Variants in ELAVL2 observed in about 807,000 individuals in gnomAD.
ELAVL2 encodes the protein ELAV-like protein 2.
A neutral mutation model predicts 34.6 loss-of-function variants in ELAVL2; 4 were observed. That is an observed-to-expected ratio of 0.12 (90% CI 0.06 to 0.26). The LOEUF is 0.26. ELAVL2 is among the 10% of genes least tolerant of loss of function. The pLI, the probability that ELAVL2 is intolerant of heterozygous loss-of-function variation, is 1.00. For missense variants in ELAVL2, 432 were observed against 442.8 expected (o/e 0.98, Z 0.22); for synonymous variants, 193 against 154.8 (o/e 1.25, Z -1.83).
Position 23,717,426 on chromosome 9 carries a change from C to A in ELAVL2, c.334-12355G>T, listed in dbSNP as rs1041915697. 2.6e-5 allele frequency among the ~76,000 whole-genome samples: 4 copies of A among 152,118 alleles called. No individual in the cohort carries two copies. In the South Asian group the frequency reaches 6.2e-4, roughly 24 times the overall value. On this transcript the variant is annotated intron_variant, in intron 3 of 6. Coordinates refer to ENST00000397312, the MANE Select transcript of ELAVL2 (RefSeq NM_004432.5). ...ACTAAAGGGGGATAAATGTAAAGTA[C>A]AGGGCTAGGTTTAATCAAATTTTCC...
chr9:23,769,017 GGTC>G lies in ELAVL2; in HGVS notation c.-15-6771_-15-6769del, dbSNP rs546560980. On this transcript the variant is annotated intron_variant, in intron 1 of 6. Transcript: ENST00000397312. ...GGTCCAGCCTAAACAGAGTGAACTTGGTCTCTACACTTATTTGCAACTAGAAGC... is the reference window on the plus strand; with the variant it reads ...GGTCCAGCCTAAACAGAGTGAACTTGTCTACACTTATTTGCAACTAGAAGC... Among the ~76,000 whole-genome samples, 913 of 152,026 alleles carry G rather than the reference GGTC, an allele frequency of 6.0e-3. 5 individuals carry two copies. The highest frequency in any genetic ancestry group is 0.021 in the African/African-American group (884 of 41,380).
intron 2 of ELAVL2, among the ~76,000 whole-genome samples, chr9:23,743,081 T>C (rs139119179): frequency 2.6e-5 from 4 of 152,270 alleles, no homozygotes; most frequent in Admixed American, 6.5e-5. Flanking sequence ...CCAGAGGAAA[T>C]TGAGCTGTAC....
rs894267571 is a variant in ELAVL2, at chr9:23,705,493, A to G, written c.334-422T>C. Among the ~76,000 whole-genome samples, 17 of 152,338 alleles carry G rather than the reference A, an allele frequency of 1.1e-4. 1 individual carries two copies. Among genetic ancestry groups the G allele is most frequent in the African/African-American group, 4.1e-4 (17 of 41,566 alleles). On this transcript the variant is annotated intron_variant, in intron 3 of 6. Transcript: ENST00000397312. ...CTAAAATTTAAAGTTCTTAAAACAG[A>G]CCAGTGGTGCATACAGCACAGTACT...
Position 23,722,309 on chromosome 9 carries a change from T to C in ELAVL2, c.333+8713A>G, listed in dbSNP as rs1195391504. On this transcript the variant is annotated intron_variant, in intron 3 of 6. Transcript: ENST00000397312. ...CATTGTCGAAGAATGCGTAGCTGCC[T>C]AAAAAATAATTTCAGGAAGTTACTA... Among the ~76,000 whole-genome samples the C allele has an allele frequency of 2.6e-5, 4 of 152,322 alleles. No homozygotes were observed. In the East Asian group the frequency reaches 7.7e-4, roughly 29 times the overall value.
At chr9:23,826,459 G>A (rs949712145), upstream of ELAVL2, 3 of 152,394 alleles carry the variant, frequency 2.0e-5, no homozygotes, top group African/African-American at 7.2e-5. Context: ...GGGGCCGCGT[G>A]AGACGATTGG....
chr9:23,816,317 TAAAAAAA>T (rs10717104), intron 1 of ELAVL2, among the ~76,000 whole-genome samples: 11 of 44,694 alleles, frequency 2.5e-4, no homozygotes, highest in East Asian at 8.5e-4. Context: ...AAGCTTTCAG[TAAAAAAA>T]AAAAAAAAAA....
chr9:23,816,947 T>C (rs1296763913), intron 1 of ELAVL2, among the ~76,000 whole-genome samples: 1 of 152,128 alleles, frequency 6.6e-6, no homozygotes, highest in Non-Finnish European at 1.5e-5. Context: ...AGCATCTGTA[T>C]TAGATTGGCC....
chr9:23,764,121 G>C (rs2055686671), intron 1 of ELAVL2, among the ~76,000 whole-genome samples: 1 of 152,048 alleles, frequency 6.6e-6, no homozygotes, highest in South Asian at 2.1e-4. Flanking sequence ...AATTCTTCTG[G>C]GGTTAACCCT....
At chr9:23,739,975 T>A (rs1242073420) in intron 2 of ELAVL2, among the ~76,000 whole-genome samples, 1 of 152,120 alleles carries the variant, frequency 6.6e-6, no homozygotes, top group Admixed American at 6.6e-5. Flanking sequence ...CCCCATTTTG[T>A]CAAGAACGGG....
chr9:23,771,179 T>C (rs994679192), intron 1 of ELAVL2, among the ~76,000 whole-genome samples: 2 of 152,110 alleles, frequency 1.3e-5, no homozygotes, highest in Admixed American at 1.3e-4. Flanking sequence ...CAGGGTGAAG[T>C]TGGGGAGAAG....
At chr9:23,714,041 G>A (rs191709012) in intron 3 of ELAVL2, among the ~76,000 whole-genome samples, 4 of 152,296 alleles carry the variant, frequency 2.6e-5, no homozygotes, top group African/African-American at 9.6e-5. Context: ...GCAAAGAGCA[G>A]AGGAACCATA....
chr9:23,697,854 C>T (rs1449656709), intron 5 of ELAVL2, among the ~76,000 whole-genome samples: 2 of 151,494 alleles, frequency 1.3e-5, no homozygotes, highest in African/African-American at 2.4e-5. Context: ...TACTCGGAAT[C>T]CCACAAATAA....
chr9:23,770,025 T>G (rs2057019547), intron 1 of ELAVL2, among the ~76,000 whole-genome samples: 1 of 152,206 alleles, frequency 6.6e-6, no homozygotes, highest in South Asian at 2.1e-4. Context: ...CTGCTTAAGT[T>G]TCATGTTTTG....
At chr9:23,708,481 A>T (rs2040017442) in intron 3 of ELAVL2, among the ~76,000 whole-genome samples, 2 of 152,146 alleles carry the variant, frequency 1.3e-5, no homozygotes. Flanking sequence ...TGGTCTCCTC[A>T]TCCAGTTTTC....
chr9:23,744,129 G>A (rs2049940749), intron 2 of ELAVL2, among the ~76,000 whole-genome samples: 1 of 152,140 alleles, frequency 6.6e-6, no homozygotes, highest in African/African-American at 2.4e-5. Context: ...TTGAGATTGG[G>A]ATCTCATCTG....
chr9:23,816,657 C>G (rs560434030), intron 1 of ELAVL2, among the ~76,000 whole-genome samples: 1 of 152,158 alleles, frequency 6.6e-6, no homozygotes, highest in Admixed American at 6.5e-5. Flanking sequence ...TTAGGAGAAA[C>G]TATATTTTGA....
At chr9:23,791,249 G>A (rs538751305) in intron 1 of ELAVL2, among the ~76,000 whole-genome samples, 2 of 152,312 alleles carry the variant, frequency 1.3e-5, no homozygotes, top group Non-Finnish European at 2.9e-5. Flanking sequence ...AATCGCAGGG[G>A]TGGGAGCAAG....
chr9:23,752,331 G>T (rs764217706), intron 2 of ELAVL2, among the ~76,000 whole-genome samples: 1 of 152,184 alleles, frequency 6.6e-6, no homozygotes, highest in East Asian at 1.9e-4. Context: ...TTAGTGTCCA[G>T]TAGGCCACCT....
At chr9:23,763,056 C>A (rs972527372) in intron 1 of ELAVL2, among the ~76,000 whole-genome samples, 1 of 152,060 alleles carries the variant, frequency 6.6e-6, no homozygotes, top group African/African-American at 2.4e-5. Flanking sequence ...CTCCTTGACT[C>A]TGCTTTTTAA....
Sources: allele counts gnomAD v4.1 joint callset (sites outside exome capture counted in the v4.1 genomes callset), GRCh38; gene constraint gnomAD v4.1.1; transcripts MANE v1.5; gene names NCBI Gene and HGNC (gene_info 2026-07-23, HGNC 2026-07-21).